Variants in PIBF1 observed in about 807,000 individuals in gnomAD.
The protein encoded by PIBF1 is progesterone-induced-blocking factor 1.
PIBF1 carries 90 observed loss-of-function variants against 112.5 expected under a neutral mutation model. The ratio of observed to expected loss-of-function variants is 0.80; its 90% CI spans 0.67 to 0.95. The LOEUF (loss-of-function observed/expected upper bound fraction) is 0.95, where lower values mean the gene tolerates loss of function less well. Among genes scored for constraint, PIBF1 ranks in the 40% least tolerant of loss-of-function variants. PIBF1 has a pLI of 0.00. For synonymous variants in PIBF1, 301 were observed against 288.6 expected, an observed-to-expected ratio of 1.04 and a Z score of -0.44; for missense variants, 915 against 852.3, an observed-to-expected ratio of 1.07 and a Z score of -0.92.
At chr13:72,928,046 C>CATATATAT (rs2041585926) in intron 13 of PIBF1, among the ~76,000 whole-genome samples, 1 of 109,942 alleles carries the variant, frequency 9.1e-6, no homozygotes, top group African/African-American at 3.5e-5. Flanking sequence ...TATATATATA[C>CATATATAT]ATATATATAT....
Position 72,988,819 on chromosome 13 carries a change from T to A in PIBF1, c.2050-10003T>A, listed in dbSNP as rs146304932. Among the ~76,000 whole-genome samples, 1,290 of 152,166 alleles carry A rather than the reference T, an allele frequency of 8.5e-3. 63 individuals carry two copies. The highest frequency in any genetic ancestry group is 9.3e-3 in the East Asian group (48 of 5,170). On this transcript the variant is annotated intron_variant, in intron 16 of 17. Coordinates refer to ENST00000326291, the MANE Select transcript of PIBF1 (RefSeq NM_006346.4). Reference sequence around the variant, plus strand: ...TGGGAGGCTGAGGCGGGCAGATTGCTTGAGGTCAGGAGTTCAAGACCAACC... The same window carrying A: ...TGGGAGGCTGAGGCGGGCAGATTGCATGAGGTCAGGAGTTCAAGACCAACC...
rs1176079981 is a variant in PIBF1 at position 73,010,810 on chromosome 13, C to CTTTTTTTTTTTTTTTTTTTTTTT, written c.2224-5051_2224-5029dup. The stretch of plus-strand genomic sequence containing the variant: ...CTGAGCTGGAAAATCATTAACTTTT[C>CTTTTTTTTTTTTTTTTTTTTTTT]TTTTTTTTTTTTTTTTTTTTTTTTT... On this transcript the variant is annotated intron_variant, in intron 17 of 17. Coordinates refer to ENST00000326291, the MANE Select transcript of PIBF1 (RefSeq NM_006346.4). 3.5e-4 allele frequency among the ~76,000 whole-genome samples: 14 copies of CTTTTTTTTTTTTTTTTTTTTTTT among 40,280 alleles called. 2 individuals carry two copies. Among genetic ancestry groups the CTTTTTTTTTTTTTTTTTTTTTTT allele is most frequent in the African/African-American group, 5.7e-4 (6 of 10,438 alleles). 26.4% of individuals were successfully genotyped at this position (40,280 alleles called of 152,430 possible).
chr13:72,872,250 G>T (rs998109286), intron 10 of PIBF1, among the ~76,000 whole-genome samples: 1 of 152,164 alleles, frequency 6.6e-6, no homozygotes, highest in African/African-American at 2.4e-5. Flanking sequence ...GACAATAATT[G>T]AAAGTATCTT....
intron 14 of PIBF1, among the ~76,000 whole-genome samples, chr13:72,949,300 C>CTTTTTTTTTTTTTTTTTTTTTTTTTTTT (rs71099771): frequency 1.8e-5 from 1 of 54,954 alleles, no homozygotes; most frequent in African/African-American, 7.2e-5. Context: ...AAATAGCTGT[C>CTTTTTTTTTTTTTTTTTTTTTTTTTTTT]TTTTTTTTTT....
In PIBF1 at chr13:72,925,809, T is replaced by C. The variant is rs569266835; in HGVS notation, c.1731-5356T>C. Among the ~76,000 whole-genome samples the C allele has an allele frequency of 1.4e-4, 21 of 152,264 alleles. No individual in the cohort carries two copies. In the East Asian group the frequency reaches 1.9e-3, roughly 14 times the overall value. The stretch of plus-strand genomic sequence containing the variant: ...TGCCCACCTCAGCCTCCCAAAGTGC[T>C]GGGATTATAGGCATGAGCCACCGCA... On this transcript the variant is annotated intron_variant, in intron 13 of 17. Transcript: ENST00000326291.
chr13:73,010,625 A>G (rs1163102655), intron 17 of PIBF1, among the ~76,000 whole-genome samples: 2 of 151,706 alleles, frequency 1.3e-5, no homozygotes, highest in Admixed American at 6.6e-5. Flanking sequence ...TAAATAAAGA[A>G]CAATGGCATA....
At chr13:72,844,450 A>G (rs1032029164) in intron 9 of PIBF1, among the ~76,000 whole-genome samples, 1 of 151,846 alleles carries the variant, frequency 6.6e-6, no homozygotes, top group Non-Finnish European at 1.5e-5. Context: ...TCAACCCGTC[A>G]TCTACATTAG....
intron 16 of PIBF1, among the ~76,000 whole-genome samples, chr13:72,995,635 C>CTTTTGATTGGTT (rs2043627806): frequency 6.6e-6 from 1 of 152,030 alleles, no homozygotes; most frequent in Non-Finnish European, 1.5e-5. Flanking sequence ...AAACTTTAAA[C>CTTTTGATTGGTT]CAATCAAAGA....
Position 72,927,966 on chromosome 13 carries a change from T to TATATATATACACAC in PIBF1, c.1731-3190_1731-3189insCACACATATATATA, listed in dbSNP as rs1555316892. Among the ~76,000 whole-genome samples, 230 of 99,264 alleles carry TATATATATACACAC rather than the reference T, an allele frequency of 2.3e-3. 5 individuals are homozygous for TATATATATACACAC. Among genetic ancestry groups the TATATATATACACAC allele is most frequent in the East Asian group, 4.6e-3 (18 of 3,908 alleles). 65.1% of individuals were successfully genotyped at this position (99,264 alleles called of 152,430 possible). A position where few individuals can be genotyped will look rare whatever the true frequency, so the allele number is the denominator to read the frequency against. ...GTGTGTATATATATATATACACATA[T>TATATATATACACAC]ATATATATATACATATATATATACA... On this transcript the variant is annotated intron_variant, in intron 13 of 17. Transcript: ENST00000326291.
intron 15 of PIBF1, among the ~76,000 whole-genome samples, chr13:72,971,558 AC>A (rs2042892182): frequency 6.6e-6 from 1 of 152,044 alleles, no homozygotes; most frequent in African/African-American, 2.4e-5. Flanking sequence ...TGAGCTGCTT[AC>A]CTTTATTGGC....
At chr13:72,964,487 A>G (rs1404483879) in intron 14 of PIBF1, among the ~76,000 whole-genome samples, 1 of 152,240 alleles carries the variant, frequency 6.6e-6, no homozygotes, top group Non-Finnish European at 1.5e-5. Context: ...GGTAAATTTT[A>G]CATTATATTT....
rs185101171 is a variant in PIBF1 at position 72,920,623 on chromosome 13, T to G, written c.1730+3457T>G. Among the ~76,000 whole-genome samples the G allele has an allele frequency of 2.0e-3, 298 of 152,300 alleles. 3 individuals carry two copies. The highest frequency in any genetic ancestry group is 3.7e-3 in the Non-Finnish European group (255 of 68,022). On this transcript the variant is annotated intron_variant, in intron 13 of 17. Transcript: ENST00000326291. ...AGAATTATATGTAATCCTTCACATT[T>G]GAAATTAAAGGATTGGAGCCAGACG...
At chr13:72,936,280 C>A (rs554003734) in intron 14 of PIBF1, among the ~76,000 whole-genome samples, 2 of 152,206 alleles carry the variant, frequency 1.3e-5, no homozygotes, top group East Asian at 3.9e-4. Context: ...AAGTGATCTT[C>A]CCACCTTGGC....
At chr13:72,931,740 A>ATATATATATG (rs1342426606) in intron 14 of PIBF1, among the ~76,000 whole-genome samples, 3 of 143,668 alleles carry the variant, frequency 2.1e-5, no homozygotes, top group South Asian at 2.2e-4. Context: ...ATATATATAT[A>ATATATATATG]TATGTATGCA....
intron 12 of PIBF1, 22 bp downstream of exon 12, chr13:72,908,703 CAT>C (rs752130672): frequency 1.3e-5 from 20 of 1,579,518 alleles, no homozygotes; most frequent in Non-Finnish European, 1.5e-5. Context: ...CCCACACACA[CAT>C]GCACAACTTT....
At chr13:72,919,120 T>A (rs986450360) in intron 13 of PIBF1, among the ~76,000 whole-genome samples, 1 of 152,194 alleles carries the variant, frequency 6.6e-6, no homozygotes, top group Non-Finnish European at 1.5e-5. Flanking sequence ...TTTTTTTATG[T>A]GAACTGATTT....
At chr13:72,930,517 A>G (rs1295683842) in intron 13 of PIBF1, among the ~76,000 whole-genome samples, 3 of 152,220 alleles carry the variant, frequency 2.0e-5, no homozygotes, top group African/African-American at 7.2e-5. Context: ...TTGTTTCTTA[A>G]AAGTAGAATT....
At chr13:72,831,204 A>C (rs2037096325) in intron 8 of PIBF1, among the ~76,000 whole-genome samples, 1 of 149,104 alleles carries the variant, frequency 6.7e-6, no homozygotes, top group African/African-American at 2.5e-5. Context: ...TGATCTTTAC[A>C]AAAAAAAACA....
chr13:72,898,879 T>C (rs528324723), intron 11 of PIBF1, among the ~76,000 whole-genome samples: 25 of 150,106 alleles, frequency 1.7e-4, no homozygotes, highest in Non-Finnish European at 3.1e-4. Flanking sequence ...GATAGACCAT[T>C]AACAAGATTA....
Sources: allele counts gnomAD v4.1 joint callset (sites outside exome capture counted in the v4.1 genomes callset), GRCh38; gene constraint gnomAD v4.1.1; transcripts MANE v1.5; gene names NCBI Gene and HGNC (gene_info 2026-07-23, HGNC 2026-07-21).